NTM: variants seen among roughly 807,000 people sequenced by gnomAD.
NTM encodes neurotrimin.
Under a neutral mutation model 42.1 loss-of-function variants are expected in NTM, and 13 were observed. The ratio of observed to expected loss-of-function variants is 0.31; its 90% CI spans 0.20 to 0.49. NTM has a LOEUF of 0.49. Among genes scored for constraint, NTM ranks in the 20% least tolerant of loss-of-function variants. The probability of loss-of-function intolerance (pLI) is 0.99; values close to 1 mark genes in which losing one functional copy is unlikely to be tolerated. For synonymous variants in NTM, 187 were observed against 179.2 expected (o/e 1.04, Z -0.35); for missense variants, 373 against 452.8 (o/e 0.82, Z 1.60).
intron 3 of NTM, among the ~76,000 whole-genome samples, chr11:132,197,425 T>C (rs537248396): frequency 1.3e-5 from 2 of 152,278 alleles, no homozygotes; most frequent in South Asian, 4.1e-4. Context: ...ATGTAAATAA[T>C]CTAAATTACC....
At chr11:132,099,674 G>T (rs1212880607) in intron 2 of NTM, among the ~76,000 whole-genome samples, 1 of 152,102 alleles carries the variant, frequency 6.6e-6, no homozygotes, top group Admixed American at 6.6e-5. Flanking sequence ...GGACAGCTCC[G>T]AGAAGAAAAG....
chr11:132,221,270 C>T (rs1419692343), intron 4 of NTM, among the ~76,000 whole-genome samples: 8 of 152,132 alleles, frequency 5.3e-5, no homozygotes, highest in East Asian at 3.9e-4. Flanking sequence ...GCAAGAATGT[C>T]GGGGGCTCTC....
intron 3 of NTM, among the ~76,000 whole-genome samples, chr11:132,192,018 G>T (rs892057705): frequency 1.3e-5 from 2 of 152,140 alleles, no homozygotes; most frequent in African/African-American, 4.8e-5. Context: ...ATGGGATTCT[G>T]TAAAGAGACC....
At chr11:131,582,644 A>G (rs2058510604) in intron 1 of NTM, among the ~76,000 whole-genome samples, 1 of 152,162 alleles carries the variant, frequency 6.6e-6, no homozygotes, top group Admixed American at 6.5e-5. Context: ...GGAGAAATCA[A>G]TGGATGCCTT....
chr11:131,741,205 G>GAT (rs2081163139), intron 1 of NTM, among the ~76,000 whole-genome samples: 1 of 124,602 alleles, frequency 8.0e-6, no homozygotes, highest in Non-Finnish European at 1.8e-5. Context: ...GAGAGAGAGA[G>GAT]AGATGTTTTT....
At chr11:132,292,900 G>A (rs2094497442) in intron 4 of NTM, among the ~76,000 whole-genome samples, 1 of 151,406 alleles carries the variant, frequency 6.6e-6, no homozygotes, top group East Asian at 1.9e-4. Context: ...TTTTAAAAAG[G>A]TAGGAAGTTA....
chr11:131,874,030 A>AATATATATATAT (rs59083400), intron 1 of NTM, among the ~76,000 whole-genome samples: 9 of 76,614 alleles, frequency 1.2e-4, no homozygotes, highest in African/African-American at 1.5e-4. Flanking sequence ...AATATAATAT[A>AATATATATATAT]ATATATATAT....
chr11:131,939,446 G>A lies in NTM; in HGVS notation c.167+27798G>A, dbSNP rs900864069. On this transcript the variant is annotated intron_variant, in intron 2 of 8. Transcript: ENST00000683400. ...GAAGAAAAAAAGATGGTAGTAATTG[G>A]AGAGGTAAATCAAGTCAAAATAATT... is the stretch of plus-strand genomic sequence containing the variant. Among the ~76,000 whole-genome samples, 3 of 152,108 alleles carry A rather than the reference G, an allele frequency of 2.0e-5. 1 individual carries two copies. The highest frequency in any genetic ancestry group is 2.0e-4 in the Admixed American group (3 of 15,264).
intron 1 of NTM, among the ~76,000 whole-genome samples, chr11:131,670,961 GA>G (rs1464003865): frequency 6.6e-6 from 1 of 152,112 alleles, no homozygotes; most frequent in Non-Finnish European, 1.5e-5. Flanking sequence ...AGCCCCTTCT[GA>G]AAACAGACGT....
chr11:131,953,093 T>C (rs1411852824), intron 2 of NTM, among the ~76,000 whole-genome samples: 2 of 152,182 alleles, frequency 1.3e-5, no homozygotes. Flanking sequence ...CGTGTTCAAG[T>C]TCCTCCAGCT....
At chr11:132,151,716 T>G (rs1293598164) in intron 3 of NTM, among the ~76,000 whole-genome samples, 2 of 152,164 alleles carry the variant, frequency 1.3e-5, no homozygotes, top group African/African-American at 4.8e-5. Context: ...TTACCTGCCT[T>G]TGGAGTCAAA....
intron 2 of NTM, among the ~76,000 whole-genome samples, chr11:132,078,135 A>C (rs1326623981): frequency 6.6e-6 from 1 of 152,214 alleles, no homozygotes; most frequent in Non-Finnish European, 1.5e-5. Flanking sequence ...ACACTAAACC[A>C]AATGGACACA....
At chr11:131,615,391 GTC>G (rs2061823880) in intron 1 of NTM, among the ~76,000 whole-genome samples, 1 of 152,070 alleles carries the variant, frequency 6.6e-6, no homozygotes, top group South Asian at 2.1e-4. Context: ...TTTAGACGGA[GTC>G]TCTCTCTTGT....
chr11:131,694,732 G>A (rs558508385), intron 1 of NTM, among the ~76,000 whole-genome samples: 2 of 152,328 alleles, frequency 1.3e-5, no homozygotes, highest in South Asian at 4.1e-4. Flanking sequence ...CGCTGAAGGA[G>A]CAGATTTGGT....
intron 4 of NTM, among the ~76,000 whole-genome samples, chr11:132,303,357 G>T (rs965651108): frequency 3.3e-5 from 5 of 152,176 alleles, no homozygotes; most frequent in Non-Finnish European, 7.3e-5. Context: ...GTATGCACCA[G>T]CAATTCCTGG....
At chr11:131,551,028 TTTATG>T (rs2054595894) in intron 1 of NTM, among the ~76,000 whole-genome samples, 1 of 152,174 alleles carries the variant, frequency 6.6e-6, no homozygotes, top group Non-Finnish European at 1.5e-5. Context: ...TAAGTTGTAT[TTTATG>T]TTATTTTATT....
intron 2 of NTM, among the ~76,000 whole-genome samples, chr11:131,994,880 A>G (rs961291137): frequency 2.0e-5 from 3 of 152,096 alleles, no homozygotes; most frequent in Non-Finnish European, 4.4e-5. Flanking sequence ...TCCTAAACTC[A>G]TTATGCACCT....
chr11:131,469,007 G>C (rs998756742), intron 1 of NTM, among the ~76,000 whole-genome samples: 1 of 152,254 alleles, frequency 6.6e-6, no homozygotes, highest in Non-Finnish European at 1.5e-5. Context: ...GAAAGCGTTG[G>C]TTGTTCTTAC....
At chr11:132,246,340 T>A (rs1410925246) in intron 4 of NTM, among the ~76,000 whole-genome samples, 1 of 152,086 alleles carries the variant, frequency 6.6e-6, no homozygotes, top group Middle Eastern at 3.2e-3. Context: ...TCGTTCTATA[T>A]CTCTTGGCTT....
Sources: gnomAD v4.1 joint callset for allele counts (sites outside exome capture counted in the v4.1 genomes callset) on GRCh38, gnomAD v4.1.1 for gene constraint, MANE v1.5 for transcripts, NCBI Gene and HGNC (gene_info 2026-07-23, HGNC 2026-07-21) for gene names.